Variants in TPTE observed in about 807,000 individuals in gnomAD.
TPTE encodes the protein transmembrane phosphatase with tensin homology, also known as putative tyrosine-protein phosphatase TPTE.
TPTE carries 59 observed loss-of-function variants against 84.1 expected under a neutral mutation model. That is an observed-to-expected ratio of 0.70 (90% CI 0.57 to 0.87). The LOEUF is 0.87. TPTE is among the 40% of genes least tolerant of loss of function. TPTE has a pLI of 0.00. For missense variants in TPTE, 382 were observed against 659.6 expected, an observed-to-expected ratio of 0.58 and a Z score of 4.61; for synonymous variants, 130 against 223.5, an observed-to-expected ratio of 0.58 and a Z score of 3.73.
intron 3 of TPTE, among the ~76,000 whole-genome samples, chr21:10,532,379 A>C (rs952815136): frequency 1.3e-5 from 2 of 152,300 alleles, no homozygotes; most frequent in African/African-American, 4.8e-5. Context: ...TTTTATTTGG[A>C]TATTCACTCT....
chr21:10,583,483 A>T (rs1186392408), intron 17 of TPTE, among the ~76,000 whole-genome samples: 1 of 152,304 alleles, frequency 6.6e-6, no homozygotes, highest in Non-Finnish European at 1.5e-5. Flanking sequence ...CAATTCTGTT[A>T]TTGGTCATAA....
intron 19 of TPTE, among the ~76,000 whole-genome samples, chr21:10,594,310 T>C (rs867999685): frequency 8.9e-3 from 1,317 of 148,418 alleles, no homozygotes; most frequent in Non-Finnish European, 0.014. Context: ...CTTTTTCAAT[T>C]CTTAGAGCCC....
chr21:10,573,727 G>T (rs1384128653), intron 14 of TPTE, among the ~76,000 whole-genome samples: 1 of 152,424 alleles, frequency 6.6e-6, no homozygotes, highest in South Asian at 2.1e-4. Flanking sequence ...TATTTTTAAA[G>T]AATGAAGGAA....
At chr21:10,595,202 A>G (rs1213894184) in intron 19 of TPTE, among the ~76,000 whole-genome samples, 2 of 152,306 alleles carry the variant, frequency 1.3e-5, no homozygotes, top group African/African-American at 2.4e-5. Flanking sequence ...ATCACCACGC[A>G]TGGCCTATTT....
intron 1 of TPTE, among the ~76,000 whole-genome samples, chr21:10,522,345 G>C (rs1348359149): frequency 8.5e-5 from 13 of 152,344 alleles, no homozygotes; most frequent in African/African-American, 3.1e-4. Flanking sequence ...TCCGCCGGGA[G>C]CGGGGGTCCG....
Position 10,522,143 on chromosome 21 carries a change from T to TG in TPTE, c.-211+450dup, listed in dbSNP as rs1421478302. 3.9e-5 allele frequency among the ~76,000 whole-genome samples: 6 copies of TG among 152,350 alleles called. No homozygotes were observed. In the East Asian group the frequency reaches 1.2e-3, roughly 29 times the overall value. On this transcript the variant is annotated intron_variant, in intron 1 of 23. Transcript: ENST00000618007. ...CCGAGGCGCCCGGCTCTCGTTGTCT[T>TG]GTCCCCCCCCAGGATGACCTGAGTT...
At chr21:10,596,759 G>T (rs2075596565) in intron 20 of TPTE, among the ~76,000 whole-genome samples, 1 of 152,306 alleles carries the variant, frequency 6.6e-6, no homozygotes, top group South Asian at 2.1e-4. Context: ...GCCAGTGCTG[G>T]GTGCTATAGG....
Position 10,603,119 on chromosome 21 carries a change from A to G in TPTE, c.1450-443A>G, listed in dbSNP as rs1355535669. Among the ~76,000 whole-genome samples the G allele has an allele frequency of 2.0e-5, 3 of 152,426 alleles. No homozygotes were observed. In the East Asian group the frequency reaches 5.8e-4, roughly 29 times the overall value. ...ACATGGAGAAACTGGGAGGAGGTGAACGGGAAACTGCTGCGGGTGACTGAA... is the reference window on the plus strand; with the variant it reads ...ACATGGAGAAACTGGGAGGAGGTGAGCGGGAAACTGCTGCGGGTGACTGAA... On this transcript the variant is annotated intron_variant, in intron 22 of 23. Coordinates refer to ENST00000618007, the MANE Select transcript of TPTE (RefSeq NM_199261.4).
chr21:10,536,579 GAA>G (rs1358973956), intron 3 of TPTE, among the ~76,000 whole-genome samples: 2 of 152,306 alleles, frequency 1.3e-5, no homozygotes, highest in Non-Finnish European at 2.9e-5. Flanking sequence ...GGGAGAGAGA[GAA>G]AGGGAGAGAA....
At chr21:10,565,439 A>G (rs1205088375) in intron 10 of TPTE, among the ~76,000 whole-genome samples, 1 of 152,422 alleles carries the variant, frequency 6.6e-6, no homozygotes, top group East Asian at 1.9e-4. Flanking sequence ...CTCCAAAGCA[A>G]TTTACAGATT....
chr21:10,545,031 C>G (rs1251576080), intron 7 of TPTE, among the ~76,000 whole-genome samples: 1 of 152,290 alleles, frequency 6.6e-6, no homozygotes, highest in African/African-American at 2.4e-5. Context: ...TTCAGGGGAA[C>G]TAGATTATAA....
intron 10 of TPTE, among the ~76,000 whole-genome samples, chr21:10,564,258 C>A (rs1313979663): frequency 6.6e-5 from 10 of 152,300 alleles, no homozygotes; most frequent in Admixed American, 6.5e-4. Context: ...TCCCATAATC[C>A]CAGCACTTTG....
At chr21:10,594,064 C>T (rs1356536414) in intron 19 of TPTE, among the ~76,000 whole-genome samples, 1 of 152,306 alleles carries the variant, frequency 6.6e-6, no homozygotes, top group African/African-American at 2.4e-5. Context: ...TGCTTAAAAT[C>T]CATACTATGT....
At chr21:10,542,265 C>T (rs1287154922) in intron 5 of TPTE, 130 bp from the exon 6 acceptor site, 13 of 1,142,924 alleles carry the variant, frequency 1.1e-5, no homozygotes, top group South Asian at 7.4e-5. Flanking sequence ...TTCCAGGTTC[C>T]AGTAGTACTA....
intron 23 of TPTE, 71 bp downstream of exon 23, chr21:10,603,703 T>A (rs1243200353): frequency 1.9e-6 from 3 of 1,554,410 alleles, no homozygotes; most frequent in Non-Finnish European, 2.6e-6. Flanking sequence ...TAATGGCAAG[T>A]CTTTTGCTGG....
chr21:10,554,010 C>G (rs1316527165), intron 8 of TPTE, among the ~76,000 whole-genome samples: 1 of 152,308 alleles, frequency 6.6e-6, no homozygotes, highest in Non-Finnish European at 1.5e-5. Flanking sequence ...CAAATCTACC[C>G]ACATTTAGTC....
intron 8 of TPTE, among the ~76,000 whole-genome samples, chr21:10,553,523 C>G (rs1307760607): frequency 6.6e-6 from 1 of 152,312 alleles, no homozygotes; most frequent in East Asian, 1.9e-4. Context: ...TGTAATGGAG[C>G]TGCCCAGGGC....
intron 5 of TPTE, among the ~76,000 whole-genome samples, chr21:10,541,927 T>C (rs972960655): frequency 1.3e-5 from 2 of 152,310 alleles, no homozygotes; most frequent in African/African-American, 4.8e-5. Flanking sequence ...GCTCCAAACC[T>C]AAAATCACCA....
intron 21 of TPTE, among the ~76,000 whole-genome samples, chr21:10,599,933 C>T (rs1225518360): frequency 1.3e-5 from 2 of 152,302 alleles, no homozygotes; most frequent in East Asian, 1.9e-4. Context: ...TCATGGCTCA[C>T]TGCAGCCTCA....
Sources: allele counts gnomAD v4.1 joint callset (sites outside exome capture counted in the v4.1 genomes callset), GRCh38; gene constraint gnomAD v4.1.1; transcripts MANE v1.5; gene names NCBI Gene and HGNC (gene_info 2026-07-23, HGNC 2026-07-21).